ANKRD30B: variants seen among roughly 807,000 people sequenced by gnomAD.
ANKRD30B encodes ankyrin repeat domain-containing protein 30B.
In ANKRD30B, 144 loss-of-function variants were observed where a neutral mutation model predicts 202.2. The ratio of observed to expected loss-of-function variants is 0.71; its 90% CI spans 0.62 to 0.82. The LOEUF is 0.82. Ranked by LOEUF, ANKRD30B falls within the 40% of genes least tolerant of loss-of-function variation. The pLI is 0.00. For missense variants in ANKRD30B, 1,487 were observed against 1,669.1 expected (o/e 0.89, Z 1.90); for synonymous variants, 508 against 561.3 (o/e 0.91, Z 1.34).
At chr18:14,844,028 A>G (rs972328412) in intron 39 of ANKRD30B, among the ~76,000 whole-genome samples, 2 of 152,188 alleles carry the variant, frequency 1.3e-5, no homozygotes, top group African/African-American at 4.8e-5. Context: ...TTCAACTGCT[A>G]ATATGTAAAT....
At chr18:14,859,049 C>T (rs867616414), downstream of ANKRD30B, among the ~76,000 whole-genome samples, 630 of 122,048 alleles carry the variant, frequency 5.2e-3, 12 homozygotes, top group African/African-American at 0.021. Context: ...AGGTGCTCCT[C>T]GCCTCCCACA....
the ANKRD30B span, among the ~76,000 whole-genome samples, chr18:14,886,491 G>T: frequency 6.6e-6 from 1 of 152,016 alleles, no homozygotes; most frequent in East Asian, 1.9e-4. Flanking sequence ...TACCAGGAAT[G>T]GATTTACTAC....
chr18:14,752,956 T>C lies in ANKRD30B; in HGVS notation c.454T>C (p.Leu152=). Reference sequence around the variant, plus strand: ...CCATTATGCCGTTTATAGTGAGAATTTGTTAATGGTGGCAACACTGCTGTC... The same window carrying C: ...CCATTATGCCGTTTATAGTGAGAATCTGTTAATGGTGGCAACACTGCTGTC... ...ALHYAVYSEN[L]LMVATLLSYG... The change falls in exon 3 of 44, where the codon TTG becomes CTG. Residue 152 remains leucine (L), a synonymous_variant. Transcript: ENST00000690538. The C allele has an allele frequency of 6.2e-7, 1 of 1,604,310 alleles. No homozygotes were observed. The highest frequency in any genetic ancestry group is 8.5e-7 in the Non-Finnish European group (1 of 1,174,800).
At chr18:14,859,058 C>T (rs1269743665), downstream of ANKRD30B, among the ~76,000 whole-genome samples, 1 of 113,122 alleles carries the variant, frequency 8.8e-6, no homozygotes, top group Non-Finnish European at 1.9e-5. Flanking sequence ...TCGCCTCCCA[C>T]ATGGGGTGGC....
chr18:14,928,095 G>A, the ANKRD30B span, among the ~76,000 whole-genome samples: 4 of 152,098 alleles, frequency 2.6e-5, no homozygotes, highest in African/African-American at 9.7e-5. Flanking sequence ...AGCTTCCTGA[G>A]TAGCTGGGAT....
At chr18:14,798,986 T>A (rs1969123748) in intron 20 of ANKRD30B, 115 bp from the exon 21 acceptor site, 5 of 1,118,448 alleles carry the variant, frequency 4.5e-6, no homozygotes, top group African/African-American at 1.5e-5. Flanking sequence ...CCTAGTGTAA[T>A]CCCTTTTCAA....
chr18:14,876,890 C>T, the ANKRD30B span, among the ~76,000 whole-genome samples: 2 of 152,190 alleles, frequency 1.3e-5, no homozygotes, highest in African/African-American at 4.8e-5. Context: ...GGATCTCTGT[C>T]ACGCAAAGTT....
chr18:14,795,996 A>G (rs1968859430), intron 16 of ANKRD30B, among the ~76,000 whole-genome samples: 1 of 152,054 alleles, frequency 6.6e-6, no homozygotes, highest in Admixed American at 6.6e-5. Context: ...GATTGTTAAA[A>G]TCTCCATAGC....
chr18:14,895,546 C>T, the ANKRD30B span, among the ~76,000 whole-genome samples: 3 of 152,134 alleles, frequency 2.0e-5, no homozygotes, highest in Non-Finnish European at 2.9e-5. Flanking sequence ...GAATTGAAAA[C>T]TTATGTCCAC....
chr18:14,870,689 AG>A, the ANKRD30B span, among the ~76,000 whole-genome samples: 1 of 152,112 alleles, frequency 6.6e-6, no homozygotes, highest in Non-Finnish European at 1.5e-5. Context: ...CAGGCAAGCC[AG>A]GGTTACAGCC....
chr18:14,749,531 C>T (rs1398653472), intron 1 of ANKRD30B, among the ~76,000 whole-genome samples: 3 of 151,694 alleles, frequency 2.0e-5, no homozygotes, highest in Non-Finnish European at 4.4e-5. Context: ...ATTAGCTGGG[C>T]CTGATGTCGG....
At chr18:14,781,697 T>C (rs1007677497) in intron 11 of ANKRD30B, among the ~76,000 whole-genome samples, 1 of 152,156 alleles carries the variant, frequency 6.6e-6, no homozygotes, top group African/African-American at 2.4e-5. Flanking sequence ...ATAAAGTACA[T>C]TGACACACAG....
At chr18:14,849,032 A>G (rs1395787445) in intron 40 of ANKRD30B, 103 bp downstream of exon 40, 2 of 1,332,032 alleles carry the variant, frequency 1.5e-6, no homozygotes, top group East Asian at 2.9e-5. Flanking sequence ...TTAACTGGAG[A>G]AAAAAATCTG....
rs1489189867 is a variant in ANKRD30B at position 14,837,248 on chromosome 18, G to A, written c.2885G>A (p.Arg962His). The A allele has an allele frequency of 2.3e-5, 36 of 1,549,202 alleles. No individual in the cohort carries two copies. The highest frequency in any genetic ancestry group is 5.9e-5 in the Admixed American group (3 of 50,836). Reference sequence around the variant, plus strand: ...AAGACAGTAACTGGACAACAGGAACGTGATATTGGCATTATTGAACGAGCT... The same window carrying A: ...AAGACAGTAACTGGACAACAGGAACATGATATTGGCATTATTGAACGAGCT... The part of the protein sequence containing the change: ...ATKTVTGQQE[R>H]DIGIIERAPQ... The change falls in exon 35 of 44, where the codon CGT becomes CAT. Residue 962 changes from arginine to histidine, a missense_variant. By Grantham distance (29) the Arg-to-His change is conservative (BLOSUM62 0). This residue lies in a region of ANKRD30B where 218 missense variants were observed against 320.1 expected (regional missense o/e 0.68). Coordinates refer to ENST00000690538, the MANE Select transcript of ANKRD30B (RefSeq NM_001367607.2).
intron 35 of ANKRD30B, 73 bp from the exon 36 acceptor site, chr18:14,837,542 A>G: frequency 1.7e-6 from 2 of 1,183,314 alleles, no homozygotes; most frequent in Non-Finnish European, 2.3e-6. Flanking sequence ...AAATGGAAAT[A>G]GATTTGTATA....
chr18:14,792,206 T>C (rs942547936), intron 16 of ANKRD30B, among the ~76,000 whole-genome samples: 7 of 152,300 alleles, frequency 4.6e-5, no homozygotes, highest in Non-Finnish European at 7.4e-5. Context: ...AGTTGTCAGG[T>C]GATGCTATTG....
At chr18:14,922,087 A>C in the ANKRD30B span, among the ~76,000 whole-genome samples, 3 of 152,216 alleles carry the variant, frequency 2.0e-5, no homozygotes, top group Non-Finnish European at 4.4e-5. Context: ...ACAGTCTTAA[A>C]TTGCCAACAC....
At chr18:14,914,451 T>C in the ANKRD30B span, among the ~76,000 whole-genome samples, 1 of 152,168 alleles carries the variant, frequency 6.6e-6, no homozygotes, top group Admixed American at 6.5e-5. Flanking sequence ...ACCAGAGAGC[T>C]CTGGGAACAG....
chr18:14,831,203 A>T (rs551096750), intron 33 of ANKRD30B, among the ~76,000 whole-genome samples, 180 bp from the exon 34 acceptor site: 2 of 149,850 alleles, frequency 1.3e-5, no homozygotes, highest in East Asian at 3.9e-4. Flanking sequence ...AAAAAAAACG[A>T]AAACCAGATG....
Sources: allele counts gnomAD v4.1 joint callset (sites outside exome capture counted in the v4.1 genomes callset), GRCh38; gene constraint gnomAD v4.1.1; regional missense constraint gnomAD v4.1.1; transcripts MANE v1.5; gene names NCBI Gene and HGNC (gene_info 2026-07-23, HGNC 2026-07-21).